Variants in NALF1 observed in about 807,000 individuals in gnomAD.
NALF1 encodes NALCN channel auxiliary factor 1.
A neutral mutation model predicts 48.4 loss-of-function variants in NALF1; 3 were observed. The observed-to-expected ratio is 0.06, with a 90% CI of 0.03 to 0.16. The LOEUF (loss-of-function observed/expected upper bound fraction) is 0.16. Ranked by LOEUF, NALF1 falls within the 10% of genes least tolerant of loss-of-function variation. The probability of loss-of-function intolerance (pLI) is 1.00; values close to 1 mark genes in which losing one functional copy is unlikely to be tolerated. For missense variants in NALF1, 526 were observed against 571.5 expected, an observed-to-expected ratio of 0.92 and a Z score of 0.81; for synonymous variants, 262 against 245.7, an observed-to-expected ratio of 1.07 and a Z score of -0.62.
At chr13:107,449,600 T>C (rs1884707725) in intron 1 of NALF1, among the ~76,000 whole-genome samples, 1 of 152,200 alleles carries the variant, frequency 6.6e-6, no homozygotes, top group Admixed American at 6.5e-5. Flanking sequence ...AGAGAAATTT[T>C]ATTTTGAATC....
intron 1 of NALF1, among the ~76,000 whole-genome samples, chr13:107,609,320 G>A (rs1471192713): frequency 6.6e-6 from 1 of 152,144 alleles, no homozygotes; most frequent in East Asian, 1.9e-4. Flanking sequence ...CTTGCAACCT[G>A]GAACAAGACC....
intron 2 of NALF1, among the ~76,000 whole-genome samples, chr13:107,175,190 A>G (rs1878900748): frequency 6.7e-6 from 1 of 148,878 alleles, no homozygotes; most frequent in African/African-American, 2.5e-5. Flanking sequence ...CGCCCGGCCC[A>G]ACCTTTTCTT....
At chr13:107,287,209 C>T (rs188829739) in intron 1 of NALF1, among the ~76,000 whole-genome samples, 11 of 152,300 alleles carry the variant, frequency 7.2e-5, no homozygotes, top group Admixed American at 2.6e-4. Flanking sequence ...TCCCCAACCA[C>T]CCATCAGCAT....
rs547530093 is a variant in NALF1, at chr13:107,169,237, G to A, written c.*1260C>T. The A allele has an allele frequency of 2.0e-5, 3 of 152,330 alleles. No individual in the cohort carries two copies. The highest frequency in any genetic ancestry group is 7.2e-5 in the African/African-American group (3 of 41,556). The allele number at this position is 152,330 out of a possible 1,614,324, so 9.4% of individuals were successfully genotyped here. Reference sequence around the variant, plus strand: ...CTATTTATTTTTTAAAAAAGAAGTTGTTCCTCTGTGATAATGCAGAATTGC... The same window carrying A: ...CTATTTATTTTTTAAAAAAGAAGTTATTCCTCTGTGATAATGCAGAATTGC... On this transcript the variant is annotated 3_prime_UTR_variant, in exon 3 of 3. Transcript: ENST00000375915.
chr13:107,574,830 G>A (rs1429991186), intron 1 of NALF1, among the ~76,000 whole-genome samples: 1 of 152,024 alleles, frequency 6.6e-6, no homozygotes, highest in Non-Finnish European at 1.5e-5. Flanking sequence ...AATTACAAAT[G>A]GAAACTTGAC....
At chr13:107,396,704 T>C (rs1883718751) in intron 1 of NALF1, among the ~76,000 whole-genome samples, 1 of 152,186 alleles carries the variant, frequency 6.6e-6, no homozygotes, top group African/African-American at 2.4e-5. Context: ...AGGGCTGTAG[T>C]GCTATTCTCG....
rs531826224 is a variant in NALF1, at chr13:107,785,894, T to C, written c.915+79788A>G. Among the ~76,000 whole-genome samples, 20 of 152,150 alleles carry C rather than the reference T, an allele frequency of 1.3e-4. 1 individual carries two copies. The South Asian group carries it at 3.5e-3, about 27-fold the overall frequency. On this transcript the variant is annotated intron_variant, in intron 1 of 2. Transcript: ENST00000375915. ...ACAGAGGACACTCAAATTGGGACAA[T>C]GTGAGGAGGTTTTATTTAGAGAGAG...
chr13:107,488,172 A>T, intron 1 of NALF1, among the ~76,000 whole-genome samples: 1 of 148,894 alleles, frequency 6.7e-6, no homozygotes, highest in African/African-American at 2.5e-5. Flanking sequence ...TCTTATTAGT[A>T]TAGCTAGTGG....
At chr13:107,779,549 T>G (rs1877826578) in intron 1 of NALF1, among the ~76,000 whole-genome samples, 1 of 152,210 alleles carries the variant, frequency 6.6e-6, no homozygotes, top group African/African-American at 2.4e-5. Flanking sequence ...ATTCCTCCAC[T>G]TGAAATGCTC....
At chr13:107,288,308 C>T (rs201928223) in intron 1 of NALF1, among the ~76,000 whole-genome samples, 6,274 of 141,382 alleles carry the variant, frequency 0.044, no homozygotes, top group African/African-American at 0.084. Flanking sequence ...CAAGCTCCGC[C>T]TCCCGGGTTC....
chr13:107,719,858 T>C (rs1234655704), intron 1 of NALF1, among the ~76,000 whole-genome samples: 1 of 152,200 alleles, frequency 6.6e-6, no homozygotes, highest in African/African-American at 2.4e-5. Flanking sequence ...GGGCTCCCCT[T>C]GCCGAACTTC....
chr13:107,709,761 C>T (rs1014844219), intron 1 of NALF1, among the ~76,000 whole-genome samples: 1 of 152,156 alleles, frequency 6.6e-6, no homozygotes, highest in African/African-American at 2.4e-5. Context: ...TTCAACAAAC[C>T]TTTTCCCACA....
intron 1 of NALF1, among the ~76,000 whole-genome samples, chr13:107,457,285 A>C (rs564302777): frequency 4.8e-4 from 73 of 152,246 alleles, no homozygotes; most frequent in African/African-American, 1.7e-3. Context: ...ATTGGGAGGG[A>C]ATTTCGAGGC....
At chr13:107,290,160 C>A (rs1467664506) in intron 1 of NALF1, among the ~76,000 whole-genome samples, 1 of 149,534 alleles carries the variant, frequency 6.7e-6, no homozygotes. Flanking sequence ...GACCCCTAAT[C>A]CCCCACAAAC....
chr13:107,435,482 C>A (rs1884449455), intron 1 of NALF1, among the ~76,000 whole-genome samples: 1 of 152,106 alleles, frequency 6.6e-6, no homozygotes. Flanking sequence ...AACGGCTACT[C>A]CAGGATTATA....
chr13:107,867,286 A>T lies in NALF1; in HGVS notation c.-690T>A, dbSNP rs938784889. Among the ~76,000 whole-genome samples, 4 of 26,190 alleles carry T rather than the reference A, an allele frequency of 1.5e-4. No homozygotes were observed. Among genetic ancestry groups the T allele is most frequent in the Non-Finnish European group, 2.6e-4 (3 of 11,582 alleles). The allele number at this position is 26,190 out of a possible 152,430, so 17.2% of individuals were successfully genotyped here. A position where few individuals can be genotyped will look rare whatever the true frequency, so the allele number is the denominator to read the frequency against. On this transcript the variant is annotated 5_prime_UTR_variant, in exon 1 of 3. Transcript: ENST00000375915. The surrounding 1 kb of genome is among the most constrained non-coding windows in gnomAD (Gnocchi z 4.4). ...GGGCGCTCCCTCCCCCCCACCCCCC[A>T]CCCCGCGCTCTAAGTGCTGCCGCCG...
At chr13:107,256,706 T>C (rs567473680) in intron 1 of NALF1, among the ~76,000 whole-genome samples, 1 of 152,172 alleles carries the variant, frequency 6.6e-6, no homozygotes, top group Non-Finnish European at 1.5e-5. Flanking sequence ...TGTTTGTCAG[T>C]TGCAACTATC....
intron 1 of NALF1, among the ~76,000 whole-genome samples, chr13:107,666,380 C>T (rs546641143): frequency 1.6e-4 from 25 of 152,256 alleles, no homozygotes; most frequent in Non-Finnish European, 3.2e-4. Context: ...CAGGATCATA[C>T]TGGTAAAGCC....
rs114015815 is a variant in NALF1, at chr13:107,561,869, G to A, written c.915+303813C>T. 4.2e-3 allele frequency among the ~76,000 whole-genome samples: 632 copies of A among 152,240 alleles called. 5 individuals are homozygous for A. The highest frequency in any genetic ancestry group is 0.015 in the African/African-American group (604 of 41,540). ...AGGCAGAGACAACATATTGCTAGCC[G>A]TTAACGTGCTCAATGTTAAGAACTA... On this transcript the variant is annotated intron_variant, in intron 1 of 2. Transcript: ENST00000375915.
Sources: allele counts gnomAD v4.1 joint callset (sites outside exome capture counted in the v4.1 genomes callset), GRCh38; gene constraint gnomAD v4.1.1; non-coding constraint Gnocchi (gnomAD v3.1); transcripts MANE v1.5; gene names NCBI Gene and HGNC (gene_info 2026-07-23, HGNC 2026-07-21).